The following SNX31 variants were observed in gnomAD, a reference collection of about 807,000 sequenced individuals.
The protein encoded by SNX31 is sorting nexin 31, also known as sorting nexin-31.
SNX31 carries 58 observed loss-of-function variants against 65.4 expected under a neutral mutation model. The ratio of observed to expected loss-of-function variants is 0.89; its 90% CI spans 0.72 to 1.10. The LOEUF (loss-of-function observed/expected upper bound fraction) is 1.10. Ranked by LOEUF, SNX31 falls within the 50% of genes least tolerant of loss-of-function variation. The pLI, the probability that SNX31 is intolerant of heterozygous loss-of-function variation, is 0.00. For missense variants in SNX31, 523 were observed against 529.7 expected (o/e 0.99, Z 0.12); for synonymous variants, 181 against 190.1 (o/e 0.95, Z 0.39).
At chr8:100,621,494 A>C (rs1318170994) in intron 4 of SNX31, among the ~76,000 whole-genome samples, 1 of 152,194 alleles carries the variant, frequency 6.6e-6, no homozygotes, top group Non-Finnish European at 1.5e-5. Context: ...TATCCAGTCA[A>C]GTTCTGAAAC....
At chr8:100,606,023 C>G (rs1179664546) in intron 8 of SNX31, among the ~76,000 whole-genome samples, 1 of 151,916 alleles carries the variant, frequency 6.6e-6, no homozygotes, top group African/African-American at 2.4e-5. Flanking sequence ...TAACTCATAT[C>G]AAGTACACTG....
intron 10 of SNX31, among the ~76,000 whole-genome samples, chr8:100,596,137 G>A (rs997464880): frequency 1.6e-4 from 25 of 152,136 alleles, no homozygotes; most frequent in African/African-American, 5.8e-4. Context: ...GCTCACTGGG[G>A]TCTTATAGGC....
At chr8:100,644,780 T>C (rs950577291) in intron 2 of SNX31, among the ~76,000 whole-genome samples, 1 of 152,274 alleles carries the variant, frequency 6.6e-6, no homozygotes, top group Admixed American at 6.5e-5. Context: ...TTCTCGTGCC[T>C]CATTCTCCCA....
intron 8 of SNX31, 82 bp downstream of exon 8, chr8:100,608,412 A>G: frequency 6.2e-6 from 8 of 1,285,122 alleles, no homozygotes; most frequent in Non-Finnish European, 9.0e-6. Flanking sequence ...AGAATTACTA[A>G]CTGCCACATA....
chr8:100,659,869 G>A (rs920606424), intron 1 of SNX31, among the ~76,000 whole-genome samples: 1 of 148,284 alleles, frequency 6.7e-6, no homozygotes, highest in African/African-American at 2.5e-5. Flanking sequence ...TAGAGCTTTT[G>A]TTTTTTTTTC....
At position 100,613,335 on chromosome 8, in the gene SNX31, T is replaced by C. The variant is rs1586950486; in HGVS notation, c.433-250A>G. 6.6e-6 allele frequency among the ~76,000 whole-genome samples: 1 copy of C among 152,206 alleles called. No individual in the cohort carries two copies. Among genetic ancestry groups the C allele is most frequent in the Admixed American group, 6.5e-5 (1 of 15,286 alleles). On this transcript the variant is annotated intron_variant, in intron 5 of 13. Transcript: ENST00000311812. This position sits in a 1 kb window ranked among gnomAD's most constrained non-coding sequence, Gnocchi z 5.2. ...ACAATGGACAGAGGCTGGCCCCAAG[T>C]TGAGGTTGGTCATCCCATCTCAGAT... is the stretch of plus-strand genomic sequence containing the variant.
Position 100,630,443 on chromosome 8 carries a change from C to A in SNX31, c.257-52G>T, listed in dbSNP as rs2131180443. ...TTAGCATGGGCTGGGCTGGGCCCTGCCTATTAATTGCTATGTCCTCCAGAG... is the reference window on the plus strand; with the variant it reads ...TTAGCATGGGCTGGGCTGGGCCCTGACTATTAATTGCTATGTCCTCCAGAG... On this transcript the variant is annotated intron_variant, in intron 3 of 13. Coordinates refer to ENST00000311812, the MANE Select transcript of SNX31 (RefSeq NM_152628.4). This position sits in a 1 kb window ranked among gnomAD's most constrained non-coding sequence, Gnocchi z 5.3. The A allele has an allele frequency of 1.3e-6, 2 of 1,502,238 alleles. No homozygotes were observed. The highest frequency in any genetic ancestry group is 1.2e-5 in the South Asian group (1 of 84,184). The allele number at this position is 1,502,238 out of a possible 1,614,324, so 93.1% of individuals were successfully genotyped here.
At chr8:100,644,878 G>T (rs1302123070) in intron 2 of SNX31, among the ~76,000 whole-genome samples, 2 of 152,218 alleles carry the variant, frequency 1.3e-5, no homozygotes, top group Admixed American at 1.3e-4. Context: ...GCCCAGGCAG[G>T]TCTCAAACTC....
At chr8:100,636,071 T>A in intron 2 of SNX31, 60 bp from the exon 3 acceptor site, 1 of 1,274,086 alleles carries the variant, frequency 7.8e-7, no homozygotes, top group Non-Finnish European at 1.1e-6. Context: ...GTTGATGAGA[T>A]TACTAAAGTC....
intron 11 of SNX31, among the ~76,000 whole-genome samples, chr8:100,585,116 A>G (rs1813924096): frequency 6.6e-6 from 1 of 152,184 alleles, no homozygotes. Context: ...CATTAGTGCC[A>G]AGACACTCAT....
chr8:100,630,423 ATGGGC>A lies in SNX31; in HGVS notation c.257-37_257-33del. 1.9e-6 allele frequency: 3 copies of A among 1,604,148 alleles called. No homozygotes were observed. Among genetic ancestry groups the A allele is most frequent in the Non-Finnish European group, 2.6e-6 (3 of 1,174,102 alleles). ...AACATGGACGGTGAGCCAGGTTAGC[ATGGGC>A]TGGGCTGGGCCCTGCCTATTAATTG... is the stretch of plus-strand genomic sequence containing the variant. On this transcript the variant is annotated intron_variant, in intron 3 of 13. Coordinates refer to ENST00000311812, the MANE Select transcript of SNX31 (RefSeq NM_152628.4). The surrounding 1 kb of genome is among the most constrained non-coding windows in gnomAD (Gnocchi z 5.3).
intron 4 of SNX31, chr8:100,618,088 C>T (rs1269752237): frequency 1.0e-6 from 1 of 985,260 alleles, no homozygotes; most frequent in Non-Finnish European, 1.2e-6. Flanking sequence ...TTTAAAGCTG[C>T]ACCATTGCAG....
In SNX31 at chr8:100,613,773, T is replaced by C. The variant is rs1455491622; in HGVS notation, c.433-688A>G. On this transcript the variant is annotated intron_variant, in intron 5 of 13. Coordinates refer to ENST00000311812, the MANE Select transcript of SNX31 (RefSeq NM_152628.4). The surrounding 1 kb of genome is among the most constrained non-coding windows in gnomAD (Gnocchi z 5.2). ...CTACCAGGGTGTCACCTCACAGCATTGGACATCTACTCACGCTCCCTTAGC... is the reference window on the plus strand; with the variant it reads ...CTACCAGGGTGTCACCTCACAGCATCGGACATCTACTCACGCTCCCTTAGC... Among the ~76,000 whole-genome samples, 5 of 152,170 alleles carry C rather than the reference T, an allele frequency of 3.3e-5. No individual in the cohort carries two copies. Among genetic ancestry groups the C allele is most frequent in the Non-Finnish European group, 5.9e-5 (4 of 68,036 alleles).
rs891739574 is a variant in SNX31 at position 100,610,757 on chromosome 8, G to A, written c.611+1243C>T. 6.6e-6 allele frequency among the ~76,000 whole-genome samples: 1 copy of A among 152,184 alleles called. No homozygotes were observed. Among genetic ancestry groups the A allele is most frequent in the Non-Finnish European group, 1.5e-5 (1 of 68,034 alleles). The stretch of plus-strand genomic sequence containing the variant: ...CTGGACCATTCCTCAGGATACTTCT[G>A]AACAGCAGTATATGAACTGCCTTGC... On this transcript the variant is annotated intron_variant, in intron 7 of 13. Transcript: ENST00000311812. The surrounding 1 kb of genome is among the most constrained non-coding windows in gnomAD (Gnocchi z 4.0).
intron 12 of SNX31, among the ~76,000 whole-genome samples, chr8:100,582,176 T>C (rs1206749352): frequency 6.6e-6 from 1 of 152,246 alleles, no homozygotes; most frequent in Non-Finnish European, 1.5e-5. Flanking sequence ...AGATACATAG[T>C]GTGGTTGTTT....
chr8:100,636,143 A>G (rs1391489226), intron 2 of SNX31, 132 bp from the exon 3 acceptor site: 2 of 611,020 alleles, frequency 3.3e-6, no homozygotes, highest in African/African-American at 3.7e-5. Flanking sequence ...GGTAGCCCAA[A>G]GGGGGAAAAG....
intron 8 of SNX31, among the ~76,000 whole-genome samples, chr8:100,606,865 T>C (rs10505000): frequency 0.086 from 13,101 of 152,276 alleles, 703 homozygotes; most frequent in African/African-American, 0.14. Context: ...AGAGTTGTTA[T>C]GAAGCTCCAA....
chr8:100,596,177 C>A (rs886084686), intron 10 of SNX31, among the ~76,000 whole-genome samples: 3 of 152,080 alleles, frequency 2.0e-5, no homozygotes, highest in Admixed American at 6.6e-5. Flanking sequence ...GACAGTGCAG[C>A]GCAGCCCCTG....
intron 12 of SNX31, among the ~76,000 whole-genome samples, chr8:100,581,319 C>CTATCTATATATATATATATA (rs1813494288): frequency 2.4e-5 from 3 of 123,076 alleles, no homozygotes; most frequent in African/African-American, 1.2e-4. Context: ...TTTTATATAT[C>CTATCTATATATATATATATA]TATATCTATC....
Sources: gnomAD v4.1 joint callset for allele counts (sites outside exome capture counted in the v4.1 genomes callset) on GRCh38, gnomAD v4.1.1 for gene constraint, Gnocchi (gnomAD v3.1) non-coding constraint, MANE v1.5 for transcripts, NCBI Gene and HGNC (gene_info 2026-07-23, HGNC 2026-07-21) for gene names.